The following PCYT1A variants were observed in gnomAD, a reference collection of about 807,000 sequenced individuals.
PCYT1A encodes phosphate cytidylyltransferase 1A, choline.
Under a neutral mutation model 43.7 loss-of-function variants are expected in PCYT1A, and 25 were observed. That is an observed-to-expected ratio of 0.57 (90% confidence interval 0.42 to 0.80). PCYT1A has a LOEUF of 0.80. Ranked by LOEUF, PCYT1A falls within the 30% of genes least tolerant of loss-of-function variation. The pLI, the probability that PCYT1A is intolerant of heterozygous loss-of-function variation, is 0.00. For missense variants in PCYT1A, 421 were observed against 474.2 expected (o/e 0.89, Z 1.04); for synonymous variants, 172 against 170.7 (o/e 1.01, Z -0.06).
intron 2 of PCYT1A, among the ~76,000 whole-genome samples, chr3:196,264,493 G>T (rs1443860134): frequency 6.6e-6 from 1 of 152,134 alleles, no homozygotes; most frequent in Non-Finnish European, 1.5e-5. Context: ...CCCATCTCTT[G>T]TTCATTTCTT....
intron 1 of PCYT1A, among the ~76,000 whole-genome samples, chr3:196,270,958 T>C (rs753653305): frequency 6.6e-5 from 10 of 152,190 alleles, no homozygotes; most frequent in African/African-American, 1.7e-4. Context: ...CTGGTGCAGG[T>C]AGAGAAAAGA....
At chr3:196,265,182 G>A (rs896433756) in intron 2 of PCYT1A, among the ~76,000 whole-genome samples, 5 of 151,948 alleles carry the variant, frequency 3.3e-5, no homozygotes, top group African/African-American at 1.2e-4. Flanking sequence ...TCCTGCCTCA[G>A]TCTCCTGAGT....
At chr3:196,260,863 C>G (rs1215997314) in intron 2 of PCYT1A, among the ~76,000 whole-genome samples, 1 of 151,960 alleles carries the variant, frequency 6.6e-6, no homozygotes, top group East Asian at 1.9e-4. Flanking sequence ...AAAACAAAAA[C>G]AAAAACAAAA....
intron 1 of PCYT1A, among the ~76,000 whole-genome samples, chr3:196,274,190 A>G (rs1195977467): frequency 1.3e-5 from 2 of 152,250 alleles, no homozygotes; most frequent in Admixed American, 6.5e-5. Flanking sequence ...GGGAGCAGGC[A>G]CTTCAAGCCT....
intron 5 of PCYT1A, among the ~76,000 whole-genome samples, chr3:196,246,279 T>G (rs957204177): frequency 1.3e-5 from 2 of 152,202 alleles, no homozygotes; most frequent in Non-Finnish European, 2.9e-5. Context: ...ACCTACAACA[T>G]TCCACGCGCC....
At chr3:196,283,732 G>A (rs1167586924) in intron 1 of PCYT1A, among the ~76,000 whole-genome samples, 2 of 152,176 alleles carry the variant, frequency 1.3e-5, no homozygotes, top group Non-Finnish European at 2.9e-5. Context: ...AAAGGTTTAC[G>A]CTTAGGAAAG....
chr3:196,287,526 A>T (rs1474703311), intron 1 of PCYT1A, 89 bp downstream of exon 1: 1 of 152,556 alleles, frequency 6.6e-6, no homozygotes, highest in Non-Finnish European at 1.5e-5. Flanking sequence ...CCTCGCTGTC[A>T]CTTACCACTC....
rs1166201858 is a variant in PCYT1A, at chr3:196,287,681, G to C, written c.-77C>G. 1 of 152,264 alleles carries C rather than the reference G, an allele frequency of 6.6e-6. No individual in the cohort carries two copies. The highest frequency in any genetic ancestry group is 2.4e-5 in the African/African-American group (1 of 41,426). 9.4% of individuals were successfully genotyped at this position (152,264 alleles called of 1,614,324 possible). ...TGGCCGGCGCCGCGTCACTGACTAGGGAAGTTGAGGAGGTTGCGGGGAGAC... is the reference window on the plus strand; with the variant it reads ...TGGCCGGCGCCGCGTCACTGACTAGCGAAGTTGAGGAGGTTGCGGGGAGAC... On this transcript the variant is annotated 5_prime_UTR_variant, in exon 1 of 9. Coordinates refer to ENST00000431016, the MANE Select transcript of PCYT1A (RefSeq NM_001312673.2).
At chr3:196,281,284 G>A (rs1725764368) in intron 1 of PCYT1A, among the ~76,000 whole-genome samples, 1 of 152,206 alleles carries the variant, frequency 6.6e-6, no homozygotes, top group African/African-American at 2.4e-5. Flanking sequence ...TCATCTTGCT[G>A]TACACTCAGG....
rs759773088 is a variant in PCYT1A, at chr3:196,273,227, GC to G, written c.-10-2687del. On this transcript the variant is annotated intron_variant, in intron 1 of 8. Transcript: ENST00000431016. This position sits in a 1 kb window ranked among gnomAD's most constrained non-coding sequence, Gnocchi z 4.1. ...ACAGAGCTCCAAAGAGGGTGTCACA[GC>G]CCTGGCTCAAGGAGCTCCTAGGTCT... Among the ~76,000 whole-genome samples the G allele has an allele frequency of 6.6e-6, 1 of 152,218 alleles. No individual in the cohort carries two copies. Among genetic ancestry groups the G allele is most frequent in the Non-Finnish European group, 1.5e-5 (1 of 68,038 alleles).
At chr3:196,255,755 C>G (rs1319514124) in intron 3 of PCYT1A, among the ~76,000 whole-genome samples, 1 of 152,166 alleles carries the variant, frequency 6.6e-6, no homozygotes, top group Non-Finnish European at 1.5e-5. Context: ...ATTTTATGTA[C>G]CACAAATGAT....
intron 2 of PCYT1A, among the ~76,000 whole-genome samples, chr3:196,265,077 T>A (rs528895468): frequency 9.5e-4 from 145 of 152,068 alleles, no homozygotes; most frequent in Middle Eastern, 3.4e-3. Flanking sequence ...TTATTTATTT[T>A]TTTTGAGACA....
Position 196,237,207 on chromosome 3 carries a change from A to T in PCYT1A, c.*1481T>A, listed in dbSNP as rs1356622927. On this transcript the variant is annotated 3_prime_UTR_variant, in exon 9 of 9. Transcript: ENST00000431016. ...ACAGGGGTGGGGCCTGGACATAAGC[A>T]ATTTTCCCCTGGATCTAGCCACAGG... is the stretch of plus-strand genomic sequence containing the variant. 6.6e-6 allele frequency: 1 copy of T among 152,354 alleles called. No homozygotes were observed. The highest frequency in any genetic ancestry group is 1.5e-5 in the Non-Finnish European group (1 of 68,054). The allele number at this position is 152,354 out of a possible 1,614,324, so 9.4% of individuals were successfully genotyped here. A position where few individuals can be genotyped will look rare whatever the true frequency, so the allele number is the denominator to read the frequency against.
intron 4 of PCYT1A, 102 bp downstream of exon 4, chr3:196,248,105 A>G (rs535845921): frequency 1.4e-6 from 1 of 738,644 alleles, no homozygotes; most frequent in South Asian, 1.5e-5. Context: ...TACATCCTTC[A>G]TTTAAAAATG....
At chr3:196,285,697 T>C in intron 1 of PCYT1A, among the ~76,000 whole-genome samples, 1 of 152,144 alleles carries the variant, frequency 6.6e-6, no homozygotes, top group Non-Finnish European at 1.5e-5. Context: ...TTGAAGTCTC[T>C]CCCATGTGGC....
At chr3:196,279,776 A>C (rs983933872) in intron 1 of PCYT1A, among the ~76,000 whole-genome samples, 1 of 151,850 alleles carries the variant, frequency 6.6e-6, no homozygotes, top group Non-Finnish European at 1.5e-5. Context: ...TTGAGTCTGA[A>C]AGATGATAGG....
At position 196,238,494 on chromosome 3, in the gene PCYT1A, CCTT is replaced by C. The variant is rs1229994006; in HGVS notation, c.*191_*193del. ...CAGGCTTCTAAGGTGCAGTCCCCCTCCTTCGTGTGGGTGAGTGATGTCACTTGC... is the reference window on the plus strand; with the variant it reads ...CAGGCTTCTAAGGTGCAGTCCCCCTCCGTGTGGGTGAGTGATGTCACTTGC... On this transcript the variant is annotated 3_prime_UTR_variant, in exon 9 of 9. Transcript: ENST00000431016. 4.8e-6 allele frequency: 2 copies of C among 420,240 alleles called. No homozygotes were observed. The highest frequency in any genetic ancestry group is 4.1e-5 in the African/African-American group (2 of 48,678). 26.0% of individuals were successfully genotyped at this position (420,240 alleles called of 1,614,324 possible).
At chr3:196,278,980 C>CA (rs148985648) in intron 1 of PCYT1A, among the ~76,000 whole-genome samples, 12,123 of 51,318 alleles carry the variant, frequency 0.24, 1,312 homozygotes, top group Non-Finnish European at 0.29. Context: ...GACCTCATCT[C>CA]AAAAAAAAAA....
intron 5 of PCYT1A, among the ~76,000 whole-genome samples, chr3:196,246,361 T>G (rs1302905893): frequency 6.6e-6 from 1 of 151,878 alleles, no homozygotes; most frequent in East Asian, 1.9e-4. Flanking sequence ...TAATCAATCC[T>G]TCTCATCTTT....
Sources: gnomAD v4.1 joint callset for allele counts (sites outside exome capture counted in the v4.1 genomes callset) on GRCh38, gnomAD v4.1.1 for gene constraint, Gnocchi (gnomAD v3.1) non-coding constraint, MANE v1.5 for transcripts, NCBI Gene and HGNC (gene_info 2026-07-23, HGNC 2026-07-21) for gene names.